Variants in EFHC1 observed in about 807,000 individuals in gnomAD.
The protein encoded by EFHC1 is EF-hand domain-containing protein 1.
In EFHC1, 53 loss-of-function variants were observed where a neutral mutation model predicts 69.9. The ratio of observed to expected loss-of-function variants is 0.76; its 90% confidence interval spans 0.61 to 0.95. The LOEUF (loss-of-function observed/expected upper bound fraction) is 0.95, where lower values mean the gene tolerates loss of function less well. EFHC1 is among the 40% of genes least tolerant of loss of function. The pLI is 0.00. For synonymous variants in EFHC1, 256 were observed against 278.4 expected (o/e 0.92, Z 0.80); for missense variants, 739 against 798.7 (o/e 0.93, Z 0.90).
At chr6:52,476,738 G>C (rs1418845874) in intron 7 of EFHC1, among the ~76,000 whole-genome samples, 1 of 149,792 alleles carries the variant, frequency 6.7e-6, no homozygotes, top group East Asian at 1.9e-4. Flanking sequence ...AGTCATGAAA[G>C]AGAAGGGCAG....
Position 52,452,460 on chromosome 6 carries a change from C to T in EFHC1, c.574-228C>T, listed in dbSNP as rs181863607. Among the ~76,000 whole-genome samples the T allele has an allele frequency of 2.6e-3, 401 of 152,184 alleles. 2 individuals are homozygous for T. The highest frequency in any genetic ancestry group is 8.8e-3 in the African/African-American group (365 of 41,532). The stretch of plus-strand genomic sequence containing the variant: ...GGACTGCAGGCAAATGCCATCAAAC[C>T]AGTCTAACTTTTAAATGTTTTTGTA... On this transcript the variant is annotated intron_variant, in intron 3 of 10. Transcript: ENST00000371068.
intron 6 of EFHC1, 23 bp downstream of exon 6, chr6:52,465,138 T>C: frequency 1.2e-6 from 2 of 1,605,096 alleles, no homozygotes; most frequent in Non-Finnish European, 8.5e-7. Context: ...TACTTCTTAG[T>C]GTGGTGAGAA....
At chr6:52,433,736 TC>T (rs1368010452) in intron 2 of EFHC1, among the ~76,000 whole-genome samples, 1 of 151,354 alleles carries the variant, frequency 6.6e-6, no homozygotes, top group African/African-American at 2.4e-5. Flanking sequence ...CCCCTAGAAC[TC>T]CCAAGAGTAT....
chr6:52,456,310 A>T (rs1765043377), intron 5 of EFHC1, among the ~76,000 whole-genome samples: 1 of 152,224 alleles, frequency 6.6e-6, no homozygotes, highest in Admixed American at 6.5e-5. Flanking sequence ...TGACAATGGG[A>T]CTAATATAGT....
At chr6:52,445,083 G>A (rs1375276916) in intron 3 of EFHC1, among the ~76,000 whole-genome samples, 1 of 148,954 alleles carries the variant, frequency 6.7e-6, no homozygotes, top group South Asian at 2.1e-4. Flanking sequence ...TTTTTTTGGT[G>A]TAGAGGTGTT....
intron 2 of EFHC1, among the ~76,000 whole-genome samples, chr6:52,431,516 G>A (rs1219128534): frequency 6.6e-6 from 1 of 152,080 alleles, no homozygotes; most frequent in South Asian, 2.1e-4. Context: ...GGTTTTGAAG[G>A]TTCCTTTTGG....
Position 52,492,290 on chromosome 6 carries a change from T to C in EFHC1, c.1872T>C (p.His624=), listed in dbSNP as rs1206619729. 1 of 1,613,930 alleles carries C rather than the reference T, an allele frequency of 6.2e-7. No homozygotes were observed. The highest frequency in any genetic ancestry group is 8.5e-7 in the Non-Finnish European group (1 of 1,179,946). The change falls in exon 11 of 11, where the codon CAT becomes CAC. Residue 624 remains histidine, a synonymous_variant. Coordinates refer to ENST00000371068, the MANE Select transcript of EFHC1 (RefSeq NM_018100.4). ...LVKELIRMCS[H]GEGKINYYNF... is the part of the protein sequence containing the mutation. ...TGCAGTTAATCAGGATGTGCTCTCA[T>C]GGAGAAGGCAAAATTAACTACTATA...
chr6:52,442,089 C>A (rs1412239142), intron 3 of EFHC1, among the ~76,000 whole-genome samples: 1 of 152,052 alleles, frequency 6.6e-6, no homozygotes, highest in Non-Finnish European at 1.5e-5. Context: ...GGATGTCCTT[C>A]ATTTCTTTCT....
intron 9 of EFHC1, chr6:52,482,224 T>A (rs1421508643): frequency 6.6e-6 from 1 of 151,750 alleles, no homozygotes; most frequent in Non-Finnish European, 1.5e-5. Flanking sequence ...AGACCTATAA[T>A]CCCAGCTACT....
rs149601333 is a variant in EFHC1 at position 52,440,580 on chromosome 6, G to A, written c.573+1989G>A. On this transcript the variant is annotated intron_variant, in intron 3 of 10. Coordinates refer to ENST00000371068, the MANE Select transcript of EFHC1 (RefSeq NM_018100.4). Reference sequence around the variant, plus strand: ...TTCCATGTCTTTGCTATTATGAATAGTGCTGCGATGAACATACTTGCGGGT... The same window carrying A: ...TTCCATGTCTTTGCTATTATGAATAATGCTGCGATGAACATACTTGCGGGT... Among the ~76,000 whole-genome samples the A allele has an allele frequency of 2.8e-3, 425 of 152,182 alleles. 1 individual carries two copies. Among genetic ancestry groups the A allele is most frequent in the African/African-American group, 9.6e-3 (400 of 41,530 alleles).
Position 52,424,162 on chromosome 6 carries a change from A to G in EFHC1, c.280A>G (p.Lys94Glu). 1 of 1,613,828 alleles carries G rather than the reference A, an allele frequency of 6.2e-7. No homozygotes were observed. Among genetic ancestry groups the G allele is most frequent in the East Asian group, 2.2e-5 (1 of 44,872 alleles). ...TATTCCTGCGCATGTGGCCTTTGAC[A>G]AAAAGGTATCATCTGGAATTTTAGG... ...DFIPAHVAFD[K>E]KVLKFDAYFQ... Residue 94 changes from lysine to glutamate, a missense_variant, in exon 2 of 11, where the codon AAA becomes GAA. Physicochemically the swap from Lys to Glu is moderately conservative, Grantham distance 56. Coordinates refer to ENST00000371068, the MANE Select transcript of EFHC1 (RefSeq NM_018100.4).
intron 5 of EFHC1, among the ~76,000 whole-genome samples, chr6:52,455,943 A>G (rs1290817277): frequency 6.6e-6 from 1 of 152,216 alleles, no homozygotes; most frequent in Non-Finnish European, 1.5e-5. Flanking sequence ...GATGGATCTT[A>G]AAAACATAGT....
chr6:52,468,740 G>A (rs1423877672), intron 6 of EFHC1: 1 of 158,202 alleles, frequency 6.3e-6, no homozygotes, highest in Non-Finnish European at 1.4e-5. Context: ...ACTGAGTAGT[G>A]GTTTTGCAAT....
chr6:52,450,898 A>G (rs2113992347), intron 3 of EFHC1, among the ~76,000 whole-genome samples: 1 of 152,250 alleles, frequency 6.6e-6, no homozygotes, highest in East Asian at 1.9e-4. Context: ...TCCCAGGCTC[A>G]AGTGATTCTC....
intron 5 of EFHC1, among the ~76,000 whole-genome samples, chr6:52,454,857 T>G (rs2113996926): frequency 6.6e-6 from 1 of 151,886 alleles, no homozygotes; most frequent in Admixed American, 6.6e-5. Context: ...TTTGGGAGAC[T>G]GAGGCGGGTG....
Position 52,441,648 on chromosome 6 carries a change from CA to C in EFHC1, c.573+3059del, listed in dbSNP as rs148610139. Among the ~76,000 whole-genome samples, 426 of 152,050 alleles carry C rather than the reference CA, an allele frequency of 2.8e-3. 2 individuals carry two copies. Among genetic ancestry groups the C allele is most frequent in the African/African-American group, 9.5e-3 (396 of 41,486 alleles). On this transcript the variant is annotated intron_variant, in intron 3 of 10. Coordinates refer to ENST00000371068, the MANE Select transcript of EFHC1 (RefSeq NM_018100.4). ...CTAGTTCTGTGAAGAGTGTCACTGG[CA>C]ATTTGATAGGAATAGCATTGAATCT...
At position 52,495,171 on chromosome 6, in the gene EFHC1, A is replaced by G; in HGVS notation, c.*2830A>G. On this transcript the variant is annotated 3_prime_UTR_variant, in exon 11 of 11. Coordinates refer to ENST00000371068, the MANE Select transcript of EFHC1 (RefSeq NM_018100.4). ...ACCTTCCAGGGTGTGCACTCTCGCCATGTTCTCACCCAGATGGCTCTCTTG... is the reference window on the plus strand; with the variant it reads ...ACCTTCCAGGGTGTGCACTCTCGCCGTGTTCTCACCCAGATGGCTCTCTTG... The G allele has an allele frequency of 2.2e-6, 1 of 454,066 alleles. No individual in the cohort carries two copies. The highest frequency in any genetic ancestry group is 4.4e-6 in the Non-Finnish European group (1 of 226,794). 28.1% of individuals were successfully genotyped at this position (454,066 alleles called of 1,614,324 possible). A position where few individuals can be genotyped will look rare whatever the true frequency, so the allele number is the denominator to read the frequency against.
At chr6:52,470,259 A>G (rs1377243588) in intron 7 of EFHC1, among the ~76,000 whole-genome samples, 1 of 152,182 alleles carries the variant, frequency 6.6e-6, no homozygotes, top group East Asian at 1.9e-4. Flanking sequence ...ATAAAAAGAG[A>G]GTTCTGGCTA....
chr6:52,478,142 G>A (rs2114022320), intron 7 of EFHC1, among the ~76,000 whole-genome samples: 1 of 152,192 alleles, frequency 6.6e-6, no homozygotes, highest in South Asian at 2.1e-4. Flanking sequence ...GGATGAAATT[G>A]GAAATCATCA....
Sources: gnomAD v4.1 joint callset for allele counts (sites outside exome capture counted in the v4.1 genomes callset) on GRCh38, gnomAD v4.1.1 for gene constraint, MANE v1.5 for transcripts, NCBI Gene and HGNC (gene_info 2026-07-23, HGNC 2026-07-21) for gene names.